Variants in KCNU1 observed in about 807,000 individuals in gnomAD.
The protein encoded by KCNU1 is potassium calcium-activated channel subfamily U member 1.
Under a neutral mutation model 126.8 loss-of-function variants are expected in KCNU1, and 93 were observed. That is an observed-to-expected ratio of 0.73 (90% CI 0.62 to 0.87). KCNU1 has a LOEUF of 0.87. Ranked by LOEUF, KCNU1 falls within the 40% of genes least tolerant of loss-of-function variation. The pLI is 0.00. For missense variants in KCNU1, 1,330 were observed against 1,367.1 expected (o/e 0.97, Z 0.43); for synonymous variants, 523 against 494.2 (o/e 1.06, Z -0.77).
intron 12 of KCNU1, among the ~76,000 whole-genome samples, chr8:36,835,331 CTCTTTTCTTT>C (rs570261332): frequency 1.0e-4 from 15 of 150,750 alleles, no homozygotes; most frequent in African/African-American, 2.9e-4. Context: ...AGTAAGTATT[CTCTTTTCTTT>C]TCTTTTCTTT....
At chr8:36,802,668 C>A (rs1202361841) in intron 2 of KCNU1, among the ~76,000 whole-genome samples, 2 of 152,108 alleles carry the variant, frequency 1.3e-5, no homozygotes, top group African/African-American at 2.4e-5. Flanking sequence ...TCAAGGGAAC[C>A]GCAAATGGGA....
intron 10 of KCNU1, among the ~76,000 whole-genome samples, chr8:36,831,018 T>C (rs1306226236): frequency 1.3e-5 from 2 of 151,158 alleles, no homozygotes; most frequent in African/African-American, 2.4e-5. Context: ...ATTTGGTTTT[T>C]TGTTCTTGCG....
At chr8:36,833,321 T>G (rs1281657483) in intron 10 of KCNU1, among the ~76,000 whole-genome samples, 1 of 152,186 alleles carries the variant, frequency 6.6e-6, no homozygotes, top group Non-Finnish European at 1.5e-5. Context: ...ATTAAATGCA[T>G]AGTTGATTTA....
chr8:36,852,054 A>C (rs1805369235), intron 18 of KCNU1, among the ~76,000 whole-genome samples: 1 of 152,062 alleles, frequency 6.6e-6, no homozygotes, highest in African/African-American at 2.4e-5. Flanking sequence ...GTTCTGTTCT[A>C]TTCCTATATT....
intron 19 of KCNU1, among the ~76,000 whole-genome samples, chr8:36,884,678 G>A (rs984658714): frequency 1.3e-5 from 2 of 152,126 alleles, no homozygotes; most frequent in Non-Finnish European, 2.9e-5. Flanking sequence ...GGAGGTTGCA[G>A]TGAGCCAAGA....
At chr8:36,905,626 G>C (rs1807593760) in intron 19 of KCNU1, 82 bp from the exon 20 acceptor site, 5 of 795,802 alleles carry the variant, frequency 6.3e-6, no homozygotes, top group African/African-American at 5.1e-5. Flanking sequence ...TGAGCTCAAG[G>C]CTCTAATGAG....
Position 36,883,201 on chromosome 8 carries a change from C to T in KCNU1, c.2009+18680C>T, listed in dbSNP as rs144168775. ...AGCATGAACCAGCCATCAATGTTCT[C>T]TCACCATGCTGAGAAAGTTGATGCT... On this transcript the variant is annotated intron_variant, in intron 19 of 26. Transcript: ENST00000399881. Among the ~76,000 whole-genome samples the T allele has an allele frequency of 3.3e-5, 5 of 152,260 alleles. No individual in the cohort carries two copies. In the East Asian group the frequency reaches 7.7e-4, roughly 24 times the overall value.
At chr8:36,813,680 A>T (rs1006456226) in intron 7 of KCNU1, among the ~76,000 whole-genome samples, 4 of 151,862 alleles carry the variant, frequency 2.6e-5, no homozygotes, top group Admixed American at 6.6e-5. Flanking sequence ...TTAAAAAAAA[A>T]ATCACTGAAA....
intron 19 of KCNU1, among the ~76,000 whole-genome samples, chr8:36,904,987 G>T (rs565219660): frequency 6.6e-6 from 1 of 152,230 alleles, no homozygotes; most frequent in East Asian, 1.9e-4. Context: ...TCTGTAATTT[G>T]ACAAGGGTTT....
intron 24 of KCNU1, among the ~76,000 whole-genome samples, chr8:36,929,387 C>CAAAAAAAA (rs35835813): frequency 1.0e-5 from 1 of 99,284 alleles, no homozygotes; most frequent in African/African-American, 3.9e-5. Context: ...GACCCTGTCT[C>CAAAAAAAA]AAAAAAAAAA....
At chr8:36,849,694 A>T (rs1223769211) in intron 18 of KCNU1, among the ~76,000 whole-genome samples, 1 of 152,138 alleles carries the variant, frequency 6.6e-6, no homozygotes, top group Non-Finnish European at 1.5e-5. Flanking sequence ...TGTCATATAG[A>T]TCTATACCTC....
intron 18 of KCNU1, among the ~76,000 whole-genome samples, chr8:36,851,643 T>C (rs1805353762): frequency 6.6e-6 from 1 of 152,134 alleles, no homozygotes; most frequent in African/African-American, 2.4e-5. Context: ...CTTGAAACAG[T>C]GTTTTATAGT....
chr8:36,788,578 G>A (rs1328149698), intron 2 of KCNU1, among the ~76,000 whole-genome samples: 4 of 152,134 alleles, frequency 2.6e-5, no homozygotes, highest in African/African-American at 9.7e-5. Context: ...TCCAGTTACT[G>A]TTTAATTCTG....
intron 1 of KCNU1, among the ~76,000 whole-genome samples, chr8:36,786,211 A>C (rs1802705392): frequency 6.6e-6 from 1 of 152,186 alleles, no homozygotes; most frequent in Admixed American, 6.5e-5. Context: ...TGCATTTAAA[A>C]CATGTATTAC....
chr8:36,895,486 T>C lies in KCNU1; in HGVS notation c.2010-10222T>C, dbSNP rs367895420. ...CACTAAATGACTTCAAAACTTATTA[T>C]TCACTGCAGGTTTCATCATCTCTAT... On this transcript the variant is annotated intron_variant, in intron 19 of 26. Coordinates refer to ENST00000399881, the MANE Select transcript of KCNU1 (RefSeq NM_001031836.3). Among the ~76,000 whole-genome samples, 58 of 152,240 alleles carry C rather than the reference T, an allele frequency of 3.8e-4. No homozygotes were observed. In the South Asian group the frequency reaches 7.2e-3, roughly 19 times the overall value.
chr8:36,918,644 G>C (rs1808218051), intron 22 of KCNU1, among the ~76,000 whole-genome samples, 179 bp from the exon 23 acceptor site: 1 of 151,964 alleles, frequency 6.6e-6, no homozygotes, highest in African/African-American at 2.4e-5. Context: ...TTATCTAAAG[G>C]AGATGCTGAG....
rs534137533 is a variant in KCNU1, at chr8:36,927,707, T to C, written c.2737-3244T>C. Among the ~76,000 whole-genome samples, 6 of 152,282 alleles carry C rather than the reference T, an allele frequency of 3.9e-5. No homozygotes were observed. In the South Asian group the frequency reaches 1.2e-3, roughly 32 times the overall value. ...GCATCTATACCATTAGGTAATACTC[T>C]AGGTTATGACAGGAACCACAACATT... is the stretch of plus-strand genomic sequence containing the variant. On this transcript the variant is annotated intron_variant, in intron 24 of 26. Transcript: ENST00000399881.
intron 19 of KCNU1, among the ~76,000 whole-genome samples, chr8:36,903,197 T>A (rs1807487673): frequency 6.6e-6 from 1 of 152,070 alleles, no homozygotes; most frequent in Admixed American, 6.6e-5. Flanking sequence ...TGGAGTAAGT[T>A]CTTTTGTCTG....
intron 19 of KCNU1, among the ~76,000 whole-genome samples, chr8:36,894,782 A>G (rs1807117273): frequency 6.6e-6 from 1 of 152,182 alleles, no homozygotes; most frequent in Non-Finnish European, 1.5e-5. Context: ...AAGATGTATT[A>G]CAGATGATAC....
Sources: allele counts gnomAD v4.1 joint callset (sites outside exome capture counted in the v4.1 genomes callset), GRCh38; gene constraint gnomAD v4.1.1; transcripts MANE v1.5; gene names NCBI Gene and HGNC (gene_info 2026-07-23, HGNC 2026-07-21).